GIMAP7: variants seen among roughly 807,000 people sequenced by gnomAD.
GIMAP7 encodes the protein GTPase, IMAP family member 7, also known as GTPase IMAP family member 7.
For synonymous variants in GIMAP7, 137 were observed against 129.3 expected, an observed-to-expected ratio of 1.06 and a Z score of -0.40; for missense variants, 323 against 359.7, an observed-to-expected ratio of 0.90 and a Z score of 0.83.
intron 1 of GIMAP7, 29 bp from the exon 2 acceptor site, chr7:150,519,904 CT>C (rs976379674): frequency 1.4e-5 from 20 of 1,449,220 alleles, no homozygotes; most frequent in African/African-American, 1.3e-4. Context: ...CTAAAACTGG[CT>C]TTTTTTCCCC....
intron 1 of GIMAP7, among the ~76,000 whole-genome samples, chr7:150,516,860 G>GT (rs1214868127): frequency 2.0e-5 from 3 of 152,066 alleles, no homozygotes; most frequent in Non-Finnish European, 4.4e-5. Flanking sequence ...GTTTGACTTT[G>GT]TTTTTTTAGT....
chr7:150,519,950 A>C lies in GIMAP7; in HGVS notation c.-25A>C. 6.2e-7 allele frequency: 1 copy of C among 1,605,652 alleles called. No individual in the cohort carries two copies. Among genetic ancestry groups the C allele is most frequent in the Non-Finnish European group, 8.5e-7 (1 of 1,174,308 alleles). The stretch of plus-strand genomic sequence containing the variant: ...CTCCTTAAGGTCTTGTACGTGCCTA[A>C]GTTCTAGAGCCTCCTGACGTGAGCA... On this transcript the variant is annotated 5_prime_UTR_variant, in exon 2 of 2. Coordinates refer to ENST00000313543, the MANE Select transcript of GIMAP7 (RefSeq NM_153236.4).
intron 1 of GIMAP7, among the ~76,000 whole-genome samples, chr7:150,515,993 T>C (rs543933358): frequency 2.0e-5 from 3 of 152,202 alleles, no homozygotes; most frequent in South Asian, 2.1e-4. Context: ...GGCAGTAGAG[T>C]GCACGGTTAA....
At position 150,520,725 on chromosome 7, in the gene GIMAP7, A is replaced by T. The variant is rs773395732; in HGVS notation, c.751A>T (p.Lys251Ter). 6.6e-7 allele frequency: 1 copy of T among 1,508,204 alleles called. No homozygotes were observed. Among genetic ancestry groups the T allele is most frequent in the Admixed American group, 1.9e-5 (1 of 53,056 alleles). The allele number at this position is 1,508,204 out of a possible 1,614,324, so 93.4% of individuals were successfully genotyped here. ...AGAGGAAGAAAAGGAGAAAGAAATT[A>T]AATTACTAAAATTAAAATATGATGA... Reference protein sequence around the residue: ...KSEEEKEKEIKLLKLKYDEKI... With the variant: ...KSEEEKEKEI Residue 251 changes from lysine (K) to a stop codon, truncating the protein, a stop_gained, in exon 2 of 2, where the codon AAA becomes TAA. Transcript: ENST00000313543. LOFTEE classifies it low-confidence loss of function (END_TRUNC).
rs115665615 is a variant in GIMAP7 at position 150,520,610 on chromosome 7, G to T, written c.636G>T (p.Arg212Ser). Residue 212 changes from arginine to serine, a missense_variant, in exon 2 of 2, where the codon AGG (arginine) becomes AGT (serine). Arg to Ser is a moderately radical substitution (Grantham distance 110). Coordinates refer to ENST00000313543, the MANE Select transcript of GIMAP7 (RefSeq NM_153236.4). ...SDDIYKDTEE[R>S]LKQREEVLRK... ...ACATATACAAGGACACAGAGGAAAGGCTGAAACAACGGGAAGAGGTTTTGA... is the reference window on the plus strand; with the variant it reads ...ACATATACAAGGACACAGAGGAAAGTCTGAAACAACGGGAAGAGGTTTTGA... 1.9e-6 allele frequency: 3 copies of T among 1,614,124 alleles called. No homozygotes were observed. The highest frequency in any genetic ancestry group is 2.2e-5 in the East Asian group (1 of 44,880).
chr7:150,521,002 T>C lies in GIMAP7; in HGVS notation c.*125T>C. 1 of 308,754 alleles carries C rather than the reference T, an allele frequency of 3.2e-6. No homozygotes were observed. Among genetic ancestry groups the C allele is most frequent in the Non-Finnish European group, 5.2e-6 (1 of 190,938 alleles). The allele number at this position is 308,754 out of a possible 1,614,324, so 19.1% of individuals were successfully genotyped here. A position where few individuals can be genotyped will look rare whatever the true frequency, so the allele number is the denominator to read the frequency against. On this transcript the variant is annotated 3_prime_UTR_variant, in exon 2 of 2. Coordinates refer to ENST00000313543, the MANE Select transcript of GIMAP7 (RefSeq NM_153236.4). ...AATAAAATATGTTTAATGTATATAA[T>C]GTGATTTTTAAATATATATATATAT...
rs373189465 is a variant in GIMAP7 at position 150,520,820 on chromosome 7, G to A, written c.846G>A (p.Lys282=). The change falls in exon 2 of 2, where the codon AAG becomes AAA. Residue 282 remains lysine (K), a synonymous_variant. Coordinates refer to ENST00000313543, the MANE Select transcript of GIMAP7 (RefSeq NM_153236.4). ...IFKDVFNRIW[K]MLSEIWHRFL... ...AAGATGTTTTTAATAGGATTTGGAA[G>A]ATGCTTTCAGAAATATGGCATAGGT... 6.6e-7 allele frequency: 1 copy of A among 1,509,204 alleles called. No homozygotes were observed. The highest frequency in any genetic ancestry group is 1.4e-5 in the South Asian group (1 of 73,478). The allele number at this position is 1,509,204 out of a possible 1,614,324, so 93.5% of individuals were successfully genotyped here. A position where few individuals can be genotyped will look rare whatever the true frequency, so the allele number is the denominator to read the frequency against.
intron 1 of GIMAP7, among the ~76,000 whole-genome samples, chr7:150,515,472 C>T (rs1342908056): frequency 3.9e-5 from 6 of 152,152 alleles, no homozygotes; most frequent in African/African-American, 1.4e-4. Context: ...GGCTGCTGCG[C>T]CATTCAGTAC....
At chr7:150,518,698 T>C (rs937167405) in intron 1 of GIMAP7, among the ~76,000 whole-genome samples, 4 of 152,132 alleles carry the variant, frequency 2.6e-5, no homozygotes, top group Admixed American at 1.3e-4. Flanking sequence ...TTTTGGATTT[T>C]TGTGTAATCA....
In GIMAP7 at chr7:150,520,776, G is replaced by A. The variant is rs1795182039; in HGVS notation, c.802G>A (p.Ala268Thr). The A allele has an allele frequency of 6.7e-7, 1 of 1,500,926 alleles. No individual in the cohort carries two copies. 93.0% of individuals were successfully genotyped at this position (1,500,926 alleles called of 1,614,324 possible). A position where few individuals can be genotyped will look rare whatever the true frequency, so the allele number is the denominator to read the frequency against. ...DEKIKNIREE[A>T]ERNIFKDVFN... is the part of the protein sequence containing the mutation. ...AAAAATAAAAAATATAAGGGAAGAA[G>A]CTGAGAGAAATATATTTAAAGATGT... is the stretch of plus-strand genomic sequence containing the variant. Residue 268 changes from alanine (A) to threonine (T), a missense_variant, in exon 2 of 2, where the codon GCT becomes ACT. By Grantham distance (58) the Ala-to-Thr change is moderately conservative (BLOSUM62 0). Transcript: ENST00000313543.
chr7:150,518,106 T>C (rs1461926102), intron 1 of GIMAP7, among the ~76,000 whole-genome samples: 1 of 152,180 alleles, frequency 6.6e-6, no homozygotes, highest in Non-Finnish European at 1.5e-5. Flanking sequence ...GGATTGTACT[T>C]TTCTGTATGA....
rs1563302292 is a variant in GIMAP7 at position 150,520,165 on chromosome 7, C to T, written c.191C>T (p.Thr64Ile). The T allele has an allele frequency of 6.2e-7, 1 of 1,614,128 alleles. No homozygotes were observed. The highest frequency in any genetic ancestry group is 8.5e-7 in the Non-Finnish European group (1 of 1,180,004). ...GGGAGAGACCTTCTTGTTGTAGACA[C>T]TCCAGGGCTCTTTGACACCAAGGAG... is the stretch of plus-strand genomic sequence containing the variant. ...WQGRDLLVVD[T>I]PGLFDTKESL... is the part of the protein sequence containing the mutation. Residue 64 changes from threonine (T) to isoleucine (I), a missense_variant, in exon 2 of 2, where the codon ACT becomes ATT. By Grantham distance (89) the Thr-to-Ile change is moderately conservative. Transcript: ENST00000313543.
Position 150,519,134 on chromosome 7 carries a change from T to G in GIMAP7, c.-41-800T>G, listed in dbSNP as rs184230740. On this transcript the variant is annotated intron_variant, in intron 1 of 1. Coordinates refer to ENST00000313543, the MANE Select transcript of GIMAP7 (RefSeq NM_153236.4). ...AATTATAGAGATTATAATATTTAAT[T>G]GTCTGGTAGAGCTAGTCTTCCCCTG... is the stretch of plus-strand genomic sequence containing the variant. Among the ~76,000 whole-genome samples the G allele has an allele frequency of 1.1e-3, 171 of 152,276 alleles. 1 individual carries two copies. Among genetic ancestry groups the G allele is most frequent in the Non-Finnish European group, 3.8e-4 (26 of 67,990 alleles).
intron 1 of GIMAP7, among the ~76,000 whole-genome samples, chr7:150,517,963 AT>A (rs1341815364): frequency 6.6e-6 from 1 of 151,926 alleles, no homozygotes; most frequent in Non-Finnish European, 1.5e-5. Flanking sequence ...TAAAACTAAT[AT>A]TCCTTCTTCT....
chr7:150,518,929 T>C (rs1294232867), intron 1 of GIMAP7, among the ~76,000 whole-genome samples: 1 of 151,832 alleles, frequency 6.6e-6, no homozygotes, highest in Non-Finnish European at 1.5e-5. Flanking sequence ...GTTATTTCAG[T>C]GTTGCTAATA....
intron 1 of GIMAP7, 102 bp from the exon 2 acceptor site, chr7:150,519,832 T>C (rs1423804641): frequency 1.5e-6 from 1 of 647,160 alleles, no homozygotes; most frequent in African/African-American, 1.8e-5. Flanking sequence ...GATAATAGGA[T>C]ATTACAAATT....
chr7:150,518,278 G>A (rs966279495), intron 1 of GIMAP7, among the ~76,000 whole-genome samples: 3 of 152,096 alleles, frequency 2.0e-5, no homozygotes, highest in African/African-American at 7.2e-5. Flanking sequence ...CTCTATAGGT[G>A]TTAGGTTGTT....
At chr7:150,515,748 G>GAAAGTTTAAAACTTGAA (rs1363541649) in intron 1 of GIMAP7, among the ~76,000 whole-genome samples, 7 of 152,108 alleles carry the variant, frequency 4.6e-5, no homozygotes, top group Non-Finnish European at 8.8e-5. Context: ...TAAAACTTGA[G>GAAAGTTTAAAACTTGAA]AAAGTTTTAA....
intron 1 of GIMAP7, among the ~76,000 whole-genome samples, chr7:150,516,481 C>T (rs1305229098): frequency 3.3e-5 from 5 of 152,130 alleles, no homozygotes; most frequent in Non-Finnish European, 7.4e-5. Context: ...AGATAAAGAC[C>T]ATTTAAAAAC....
Sources: gnomAD v4.1 joint callset for allele counts (sites outside exome capture counted in the v4.1 genomes callset) on GRCh38, gnomAD v4.1.1 for gene constraint, MANE v1.5 for transcripts, NCBI Gene and HGNC (gene_info 2026-07-23, HGNC 2026-07-21) for gene names.